The following SYT10 variants were observed in gnomAD, a reference collection of about 807,000 sequenced individuals.
SYT10 encodes synaptotagmin-10.
A neutral mutation model predicts 51.1 loss-of-function variants in SYT10; 31 were observed. The ratio of observed to expected loss-of-function variants is 0.61; its 90% CI spans 0.46 to 0.82. SYT10 has a LOEUF of 0.82. SYT10 is among the 40% of genes least tolerant of loss of function. The pLI is 0.00. For missense variants in SYT10, 603 were observed against 634.0 expected, an observed-to-expected ratio of 0.95 and a Z score of 0.53; for synonymous variants, 233 against 225.9, an observed-to-expected ratio of 1.03 and a Z score of -0.28.
intron 6 of SYT10, among the ~76,000 whole-genome samples, chr12:33,378,816 G>C (rs1184880729): frequency 3.2e-5 from 2 of 61,806 alleles, no homozygotes; most frequent in East Asian, 2.4e-4. Flanking sequence ...CTGGGTATCT[G>C]TGTGTGTGTG....
At chr12:33,416,140 G>C (rs1044182536) in intron 2 of SYT10, among the ~76,000 whole-genome samples, 1 of 152,106 alleles carries the variant, frequency 6.6e-6, no homozygotes, top group African/African-American at 2.4e-5. Context: ...GAGTGCAGTG[G>C]TGTGATCTCA....
Position 33,376,601 on chromosome 12 carries a change from T to A in SYT10, c.*229A>T. On this transcript the variant is annotated 3_prime_UTR_variant, in exon 7 of 7. Transcript: ENST00000228567. ...ACTCTTTGTGCTAACAGGCATTTGA[T>A]ACGAAGGATAAAATGCCTTATGCAA... 1.9e-6 allele frequency: 1 copy of A among 526,460 alleles called. No homozygotes were observed. The highest frequency in any genetic ancestry group is 3.4e-6 in the Non-Finnish European group (1 of 294,914). The allele number at this position is 526,460 out of a possible 1,614,324, so 32.6% of individuals were successfully genotyped here. A position where few individuals can be genotyped will look rare whatever the true frequency, so the allele number is the denominator to read the frequency against.
At chr12:33,400,637 T>C (rs2138407686) in intron 3 of SYT10, among the ~76,000 whole-genome samples, 1 of 152,146 alleles carries the variant, frequency 6.6e-6, no homozygotes, top group African/African-American at 2.4e-5. Context: ...ATGAAGGTAG[T>C]TATGTTAAAA....
At chr12:33,439,147 C>G (rs1319639507) in intron 1 of SYT10, among the ~76,000 whole-genome samples, 1 of 152,194 alleles carries the variant, frequency 6.6e-6, no homozygotes, top group Non-Finnish European at 1.5e-5. Context: ...GGGAAGCGGA[C>G]CAGAGAATGG....
At chr12:33,417,309 G>A (rs1337254554) in intron 2 of SYT10, among the ~76,000 whole-genome samples, 2 of 151,190 alleles carry the variant, frequency 1.3e-5, no homozygotes, top group Non-Finnish European at 3.0e-5. Flanking sequence ...GATCTCGGGA[G>A]TGGAGCTGCT....
At chr12:33,406,471 A>G (rs959476434) in intron 3 of SYT10, among the ~76,000 whole-genome samples, 1 of 152,168 alleles carries the variant, frequency 6.6e-6, no homozygotes, top group African/African-American at 2.4e-5. Context: ...AATGAAAGTC[A>G]ATACTAACTG....
chr12:33,375,367 C>T lies in SYT10; in HGVS notation c.*1463G>A, dbSNP rs898725185. ...TTTACAAAAATAAAAATTTCATAAC[C>T]GCTGATAAAATTTTCTCATCCAGGT... On this transcript the variant is annotated 3_prime_UTR_variant, in exon 7 of 7. Transcript: ENST00000228567. The T allele has an allele frequency of 1.5e-4, 23 of 151,750 alleles. No individual in the cohort carries two copies. The highest frequency in any genetic ancestry group is 6.6e-4 in the Admixed American group (10 of 15,232). 9.4% of individuals were successfully genotyped at this position (151,750 alleles called of 1,614,324 possible).
chr12:33,438,163 C>G (rs1010863518), intron 1 of SYT10, among the ~76,000 whole-genome samples: 3 of 152,144 alleles, frequency 2.0e-5, no homozygotes, highest in African/African-American at 7.2e-5. Flanking sequence ...ACTAAGTGTG[C>G]CCCGCTTTGC....
intron 2 of SYT10, among the ~76,000 whole-genome samples, chr12:33,424,451 T>G (rs991737546): frequency 6.6e-6 from 1 of 152,144 alleles, no homozygotes; most frequent in African/African-American, 2.4e-5. Context: ...GTTAGTATTC[T>G]TAAAATGTTT....
rs9888320 is a variant in SYT10 at position 33,376,416 on chromosome 12, C to G, written c.*414G>C. On this transcript the variant is annotated 3_prime_UTR_variant, in exon 7 of 7. Transcript: ENST00000228567. Reference sequence around the variant, plus strand: ...TCCTTTTAAGTTTATACAGAACCACCTGCACAACTAGAAATGAACACAGTA... The same window carrying G: ...TCCTTTTAAGTTTATACAGAACCACGTGCACAACTAGAAATGAACACAGTA... 0.46 allele frequency: 74,773 copies of G among 161,548 alleles called. 20,216 individuals carry two copies. Among genetic ancestry groups the G allele is most frequent in the African/African-American group, 0.74 (31,073 of 41,728 alleles). The allele number at this position is 161,548 out of a possible 1,614,324, so 10.0% of individuals were successfully genotyped here.
intron 4 of SYT10, among the ~76,000 whole-genome samples, chr12:33,384,733 A>C (rs1866142833): frequency 6.6e-6 from 1 of 152,186 alleles, no homozygotes; most frequent in Non-Finnish European, 1.5e-5. Context: ...GGTGGAAAAA[A>C]TGCAAATGCA....
chr12:33,426,102 A>ACG, intron 2 of SYT10, 36 bp downstream of exon 2: 1 of 1,527,466 alleles, frequency 6.5e-7, no homozygotes, highest in African/African-American at 1.4e-5. Context: ...ACACACACGC[A>ACG]CACACACCAG....
chr12:33,414,741 T>C (rs1006419141), intron 2 of SYT10, among the ~76,000 whole-genome samples: 2 of 152,176 alleles, frequency 1.3e-5, no homozygotes, highest in East Asian at 1.9e-4. Flanking sequence ...AGATCTAAAA[T>C]TGACACCCTA....
intron 2 of SYT10, among the ~76,000 whole-genome samples, chr12:33,416,929 T>A (rs1222899697): frequency 3.3e-5 from 5 of 152,104 alleles, no homozygotes; most frequent in Non-Finnish European, 5.9e-5. Flanking sequence ...CATTGATAGT[T>A]AATGTACTAT....
intron 3 of SYT10, among the ~76,000 whole-genome samples, chr12:33,395,611 C>T (rs1219996101): frequency 3.3e-5 from 5 of 152,032 alleles, no homozygotes; most frequent in Non-Finnish European, 7.4e-5. Context: ...AGAAAAATTG[C>T]CTGGACATTT....
At chr12:33,412,051 G>T (rs1291211761) in intron 2 of SYT10, among the ~76,000 whole-genome samples, 1 of 151,944 alleles carries the variant, frequency 6.6e-6, no homozygotes, top group Non-Finnish European at 1.5e-5. Context: ...TATGCAACAA[G>T]CTTTTGATTT....
chr12:33,426,062 TCACACACACACACACACACA>T, intron 2 of SYT10, 56 bp downstream of exon 2: 1 of 1,205,158 alleles, frequency 8.3e-7, no homozygotes, highest in Non-Finnish European at 1.1e-6. Context: ...TTATGAAATT[TCACACACACACACACACACA>T]CACACACACA....
At chr12:33,426,576 ATTG>A in intron 1 of SYT10, 81 bp from the exon 2 acceptor site, 2 of 1,160,418 alleles carry the variant, frequency 1.7e-6, no homozygotes, top group Non-Finnish European at 2.3e-6. Context: ...TTACATCATA[ATTG>A]TTATTATTTC....
intron 1 of SYT10, among the ~76,000 whole-genome samples, chr12:33,437,095 A>C (rs1258772138): frequency 6.6e-6 from 1 of 152,232 alleles, no homozygotes; most frequent in Non-Finnish European, 1.5e-5. Context: ...ATATCTATTA[A>C]CTTTGAGTGT....
Sources: allele counts gnomAD v4.1 joint callset (sites outside exome capture counted in the v4.1 genomes callset), GRCh38; gene constraint gnomAD v4.1.1; transcripts MANE v1.5; gene names NCBI Gene and HGNC (gene_info 2026-07-23, HGNC 2026-07-21).